Variants in ZNF37A observed in about 807,000 individuals in gnomAD.
ZNF37A encodes the protein zinc finger protein 37a (KOX 21).
Under a neutral mutation model 12.3 loss-of-function variants are expected in ZNF37A, and 10 were observed. The observed-to-expected ratio is 0.82, with a 90% CI of 0.50 to 1.38. The LOEUF is 1.38. Among genes scored for constraint, ZNF37A ranks in the 40% most tolerant of loss-of-function variants. The pLI, the probability that ZNF37A is intolerant of heterozygous loss-of-function variation, is 0.00. For synonymous variants in ZNF37A, 207 were observed against 223.0 expected (o/e 0.93, Z 0.64); for missense variants, 580 against 651.2 (o/e 0.89, Z 1.19).
chr10:38,134,357 G>C (rs769356281), intron 7 of ZNF37A, among the ~76,000 whole-genome samples: 6 of 152,192 alleles, frequency 3.9e-5, no homozygotes, highest in Non-Finnish European at 7.3e-5. Context: ...TCCTTTGAAG[G>C]AGAAGAGGTT....
At chr10:38,146,325 G>A (rs2070253576) in intron 7 of ZNF37A, among the ~76,000 whole-genome samples, 1 of 152,056 alleles carries the variant, frequency 6.6e-6, no homozygotes, top group African/African-American at 2.4e-5. Flanking sequence ...TGCCCAGGCT[G>A]GAGTACAGTG....
At chr10:38,135,343 C>T (rs1019238478) in intron 7 of ZNF37A, among the ~76,000 whole-genome samples, 1 of 152,224 alleles carries the variant, frequency 6.6e-6, no homozygotes, top group Non-Finnish European at 1.5e-5. Context: ...TGAGATCATG[C>T]CACTTGCACT....
At chr10:38,097,555 G>A (rs1342181571) in intron 5 of ZNF37A, among the ~76,000 whole-genome samples, 1 of 127,306 alleles carries the variant, frequency 7.9e-6, no homozygotes, top group Non-Finnish European at 1.6e-5. Flanking sequence ...CTGCACTCCA[G>A]CCTGGGTGAC....
intron 5 of ZNF37A, among the ~76,000 whole-genome samples, chr10:38,105,640 C>A (rs2068001931): frequency 6.6e-6 from 1 of 152,198 alleles, no homozygotes; most frequent in Admixed American, 6.5e-5. Context: ...TTCCTAATCA[C>A]CTCCTAAAGG....
Position 38,118,008 on chromosome 10 carries a change from A to C in ZNF37A, c.857A>C (p.His286Pro), listed in dbSNP as rs748668147. The stretch of plus-strand genomic sequence containing the variant: ...AAAACCTTCACCCAGAAGTCAGCCC[A>C]CACAAGACATCAGAGAACACACACA... ...CGKTFTQKSAHTRHQRTHTGG... is the reference protein window; with the variant it reads ...CGKTFTQKSAPTRHQRTHTGG... The change falls in exon 8 of 8, where the codon CAC becomes CCC. Residue 286 changes from histidine (H) to proline (P), a missense_variant. Physicochemically the swap from His to Pro is moderately conservative, Grantham distance 77. Transcript: ENST00000685332. 1.2e-6 allele frequency: 2 copies of C among 1,614,060 alleles called. No individual in the cohort carries two copies. The highest frequency in any genetic ancestry group is 2.2e-5 in the South Asian group (2 of 91,078).
Position 38,118,392 on chromosome 10 carries a change from A to T in ZNF37A, c.1241A>T (p.Asn414Ile). 6.2e-7 allele frequency: 1 copy of T among 1,613,990 alleles called. No individual in the cohort carries two copies. The highest frequency in any genetic ancestry group is 8.5e-7 in the Non-Finnish European group (1 of 1,179,984). The change falls in exon 8 of 8, where the codon AAT becomes ATT. Residue 414 changes from asparagine (N) to isoleucine (I), a missense_variant. Physicochemically the swap from Asn to Ile is moderately radical, Grantham distance 149 (BLOSUM62 -3). Coordinates refer to ENST00000685332, the MANE Select transcript of ZNF37A (RefSeq NM_001324250.3). ...IHTGEKPYEC[N>I]ECGKSFSEKS... ...ACAGGTGAAAAACCTTATGAATGTA[A>T]TGAATGTGGGAAGTCATTCTCTGAG...
At chr10:38,097,978 T>TC (rs1484524614) in intron 5 of ZNF37A, among the ~76,000 whole-genome samples, 3 of 152,304 alleles carry the variant, frequency 2.0e-5, no homozygotes, top group East Asian at 3.9e-4. Flanking sequence ...GCTCCCTTTT[T>TC]CCCCTCTGCT....
In ZNF37A at chr10:38,096,576, A is replaced by G; in HGVS notation, c.-42A>G. ...CATGATCTTTTCTTATTTCTCAGCT[A>G]CACCCTCACAGTTTGCTCTGCTCTT... is the stretch of plus-strand genomic sequence containing the variant. On this transcript the variant is annotated splice_region_variant and 5_prime_UTR_variant, in exon 5 of 8. Coordinates refer to ENST00000685332, the MANE Select transcript of ZNF37A (RefSeq NM_001324250.3). 2 of 1,603,828 alleles carry G rather than the reference A, an allele frequency of 1.2e-6. No homozygotes were observed. Among genetic ancestry groups the G allele is most frequent in the Non-Finnish European group, 1.7e-6 (2 of 1,175,998 alleles).
chr10:38,112,745 C>CGG lies in ZNF37A; in HGVS notation c.16-2010_16-2009insGG, dbSNP rs1564931862. On this transcript the variant is annotated intron_variant, in intron 5 of 7. Coordinates refer to ENST00000685332, the MANE Select transcript of ZNF37A (RefSeq NM_001324250.3). ...TTTTACATCCATTTTCTTTTCTTTT[C>CGG]TTTTCTTTTCTTTTCTTTTCTTTTC... Among the ~76,000 whole-genome samples the CGG allele has an allele frequency of 5.8e-3, 201 of 34,422 alleles. 7 individuals carry two copies. The highest frequency in any genetic ancestry group is 0.013 in the Middle Eastern group (1 of 76). The allele number at this position is 34,422 out of a possible 152,430, so 22.6% of individuals were successfully genotyped here.
intron 5 of ZNF37A, among the ~76,000 whole-genome samples, chr10:38,108,706 C>A (rs1316890674): frequency 2.6e-5 from 4 of 152,140 alleles, no homozygotes; most frequent in Non-Finnish European, 4.4e-5. Flanking sequence ...CTATAAACAC[C>A]TCTATGCAAA....
downstream of ZNF37A, among the ~76,000 whole-genome samples, chr10:38,129,998 T>G (rs1191530039): frequency 2.6e-5 from 4 of 152,220 alleles, no homozygotes; most frequent in African/African-American, 9.6e-5. Context: ...TTTTTCACTT[T>G]CCCAACAAAA....
Position 38,118,080 on chromosome 10 carries a change from A to T in ZNF37A, c.929A>T (p.Lys310Met), listed in dbSNP as rs2069427052. ...ECHECGKTFY[K>M]NSDLIKHQRI... is the part of the protein sequence containing the mutation. ...CATGAATGTGGGAAGACCTTCTATA[A>T]GAATTCAGACCTCATTAAACATCAA... The change falls in exon 8 of 8, where the codon AAG (lysine) becomes ATG (methionine). Residue 310 changes from lysine (K) to methionine (M), a missense_variant. Transcript: ENST00000685332. 2.5e-6 allele frequency: 4 copies of T among 1,613,810 alleles called. No homozygotes were observed. In the East Asian group the frequency reaches 8.9e-5, roughly 36 times the overall value.
chr10:38,094,708 A>G (rs763082423), intron 1 of ZNF37A, among the ~76,000 whole-genome samples: 2 of 152,240 alleles, frequency 1.3e-5, no homozygotes, highest in African/African-American at 2.4e-5. Flanking sequence ...AGGACGGCGC[A>G]GAAACGGGCC....
At chr10:38,104,955 T>C (rs562378927) in intron 5 of ZNF37A, among the ~76,000 whole-genome samples, 17 of 152,176 alleles carry the variant, frequency 1.1e-4, no homozygotes, top group Admixed American at 1.1e-3. Context: ...GGCTATACCA[T>C]TATCCACAAT....
At chr10:38,110,344 A>T (rs1289577854) in intron 5 of ZNF37A, among the ~76,000 whole-genome samples, 1 of 152,214 alleles carries the variant, frequency 6.6e-6, no homozygotes, top group Non-Finnish European at 1.5e-5. Context: ...CTCAAGATGG[A>T]TTAAAGACTT....
chr10:38,117,600 A>G lies in ZNF37A; in HGVS notation c.449A>G (p.Glu150Gly). 1 of 1,613,850 alleles carries G rather than the reference A, an allele frequency of 6.2e-7. No homozygotes were observed. The highest frequency in any genetic ancestry group is 8.5e-7 in the Non-Finnish European group (1 of 1,179,948). ...KNWEQSFEYN[E>G]CGKAFPENSL... ...TGGGAACAATCTTTTGAATACAATG[A>G]ATGTGGGAAAGCTTTCCCTGAGAAT... The change falls in exon 8 of 8, where the codon GAA (glutamate) becomes GGA (glycine). Residue 150 changes from glutamate to glycine, a missense_variant. Glu to Gly is a moderately conservative substitution (Grantham distance 98, BLOSUM62 -2). Transcript: ENST00000685332.
At chr10:38,096,724 C>A in intron 5 of ZNF37A, 92 bp downstream of exon 5, 2 of 1,312,330 alleles carry the variant, frequency 1.5e-6, no homozygotes, top group Non-Finnish European at 2.2e-6. Context: ...GAAATAACAT[C>A]AGGGAAAATA....
At chr10:38,132,170 C>T (rs2070036852) in intron 7 of ZNF37A, among the ~76,000 whole-genome samples, 1 of 152,132 alleles carries the variant, frequency 6.6e-6, no homozygotes, top group South Asian at 2.1e-4. Flanking sequence ...AAAGGAGTAT[C>T]CTTGCCTTGT....
intron 5 of ZNF37A, among the ~76,000 whole-genome samples, chr10:38,113,735 C>G (rs1485334951): frequency 6.6e-6 from 1 of 152,170 alleles, no homozygotes; most frequent in Non-Finnish European, 1.5e-5. Context: ...TAATGCTGCT[C>G]TCCAGCAGTC....
Sources: allele counts gnomAD v4.1 joint callset (sites outside exome capture counted in the v4.1 genomes callset), GRCh38; gene constraint gnomAD v4.1.1; transcripts MANE v1.5; gene names NCBI Gene and HGNC (gene_info 2026-07-23, HGNC 2026-07-21).